The following LRMDA variants were observed in gnomAD, a reference collection of about 807,000 sequenced individuals.
LRMDA encodes leucine-rich melanocyte differentiation-associated protein.
Under a neutral mutation model 29.8 loss-of-function variants are expected in LRMDA, and 18 were observed. That is an observed-to-expected ratio of 0.60 (90% CI 0.42 to 0.90). LRMDA has a LOEUF of 0.90. Ranked by LOEUF, LRMDA falls within the 40% of genes least tolerant of loss-of-function variation. The pLI is 0.00. For missense variants in LRMDA, 273 were observed against 273.9 expected (o/e 1.00, Z 0.02); for synonymous variants, 125 against 109.4 (o/e 1.14, Z -0.89).
At chr10:75,465,856 G>A (rs893393214) in intron 2 of LRMDA, among the ~76,000 whole-genome samples, 5 of 152,224 alleles carry the variant, frequency 3.3e-5, no homozygotes, top group Non-Finnish European at 5.9e-5. Context: ...AAGTTTTAGC[G>A]TCCAATCTTG....
chr10:76,143,734 T>G (rs1234717214), intron 5 of LRMDA, among the ~76,000 whole-genome samples: 3 of 152,230 alleles, frequency 2.0e-5, no homozygotes, highest in Non-Finnish European at 4.4e-5. Flanking sequence ...TTGTTGCCAT[T>G]GCTTTTGGGG....
intron 5 of LRMDA, among the ~76,000 whole-genome samples, chr10:76,221,224 C>T (rs1363283740): frequency 6.6e-6 from 1 of 151,824 alleles, no homozygotes; most frequent in African/African-American, 2.4e-5. Flanking sequence ...GACAGGGATG[C>T]CCTCTCTCAC....
chr10:76,191,209 A>G (rs567733911), intron 5 of LRMDA, among the ~76,000 whole-genome samples: 1 of 152,192 alleles, frequency 6.6e-6, no homozygotes, highest in East Asian at 1.9e-4. Context: ...AATGGCGGTA[A>G]GATGGGGTGC....
chr10:76,339,843 A>G (rs1419200533), intron 6 of LRMDA, among the ~76,000 whole-genome samples: 3 of 152,228 alleles, frequency 2.0e-5, no homozygotes, highest in East Asian at 3.9e-4. Context: ...AGATGATAAA[A>G]GAAACTTTAA....
At chr10:76,507,564 T>C (rs945448886) in intron 6 of LRMDA, among the ~76,000 whole-genome samples, 1 of 152,150 alleles carries the variant, frequency 6.6e-6, no homozygotes. Flanking sequence ...TCAAAAAATA[T>C]TTGCTAAGAT....
At chr10:75,634,404 G>A (rs1227146939) in intron 2 of LRMDA, among the ~76,000 whole-genome samples, 2 of 152,180 alleles carry the variant, frequency 1.3e-5, no homozygotes, top group African/African-American at 2.4e-5. Context: ...GGTTTCACCT[G>A]CCTCCCCCCA....
chr10:76,431,564 C>A (rs1842191029), intron 6 of LRMDA, among the ~76,000 whole-genome samples: 1 of 152,180 alleles, frequency 6.6e-6, no homozygotes, highest in Admixed American at 6.5e-5. Flanking sequence ...TGCTCTAGGG[C>A]AGTTATAAAT....
chr10:75,515,694 T>C (rs1341132002), intron 2 of LRMDA, among the ~76,000 whole-genome samples: 1 of 152,098 alleles, frequency 6.6e-6, no homozygotes, highest in Non-Finnish European at 1.5e-5. Flanking sequence ...ATTTTATGTT[T>C]TTCTTTTTTC....
intron 2 of LRMDA, among the ~76,000 whole-genome samples, chr10:75,623,667 G>A (rs1410152840): frequency 6.6e-6 from 1 of 152,190 alleles, no homozygotes; most frequent in East Asian, 1.9e-4. Flanking sequence ...AACAGCACAA[G>A]GAGGAAAAAT....
intron 6 of LRMDA, among the ~76,000 whole-genome samples, chr10:76,466,696 A>G (rs1461755547): frequency 1.3e-5 from 2 of 152,128 alleles, no homozygotes; most frequent in African/African-American, 4.8e-5. Context: ...CTCACAAGGC[A>G]GAGGCAAGAG....
chr10:76,426,928 A>T (rs1454839000), intron 6 of LRMDA, among the ~76,000 whole-genome samples: 1 of 151,938 alleles, frequency 6.6e-6, no homozygotes, highest in Non-Finnish European at 1.5e-5. Flanking sequence ...GTGTGGTATT[A>T]TTTCTGAGGG....
At chr10:75,591,320 CTTT>C (rs757699185) in intron 2 of LRMDA, among the ~76,000 whole-genome samples, 1 of 152,142 alleles carries the variant, frequency 6.6e-6, no homozygotes, top group South Asian at 2.1e-4. Context: ...ATTCTTATTT[CTTT>C]GTTTTAGTAA....
intron 5 of LRMDA, among the ~76,000 whole-genome samples, chr10:76,251,912 C>A (rs1322564): frequency 0.069 from 10,566 of 152,164 alleles, 1,123 homozygotes; most frequent in African/African-American, 0.23. Context: ...TGATAGGGAC[C>A]TGGTTCCCCG....
chr10:75,878,986 C>T (rs185974731), intron 2 of LRMDA, among the ~76,000 whole-genome samples: 10 of 152,318 alleles, frequency 6.6e-5, no homozygotes, highest in East Asian at 1.9e-4. Context: ...CTCAGGCCAA[C>T]GGAGACGTTT....
At chr10:76,426,422 A>G (rs1183956447) in intron 6 of LRMDA, among the ~76,000 whole-genome samples, 2 of 152,140 alleles carry the variant, frequency 1.3e-5, no homozygotes, top group Non-Finnish European at 2.9e-5. Context: ...GTCTGTTCAT[A>G]TCCTTCACCC....
intron 2 of LRMDA, among the ~76,000 whole-genome samples, chr10:75,580,176 T>C (rs896828090): frequency 2.6e-5 from 4 of 152,206 alleles, no homozygotes; most frequent in Admixed American, 6.5e-5. Flanking sequence ...GAAAATCCCA[T>C]TGTCTCAGCC....
At chr10:76,206,758 C>T (rs1399959233) in intron 5 of LRMDA, among the ~76,000 whole-genome samples, 2 of 152,194 alleles carry the variant, frequency 1.3e-5, no homozygotes, top group African/African-American at 4.8e-5. Context: ...CCACTTTCCC[C>T]TCTCATGCCT....
At chr10:76,009,812 G>A (rs1002265188) in intron 2 of LRMDA, among the ~76,000 whole-genome samples, 5 of 151,936 alleles carry the variant, frequency 3.3e-5, no homozygotes, top group Non-Finnish European at 7.4e-5. Flanking sequence ...CCTGACAGAC[G>A]GCTGCCTCTT....
At chr10:75,564,456 A>G (rs1840343750) in intron 2 of LRMDA, among the ~76,000 whole-genome samples, 1 of 152,226 alleles carries the variant, frequency 6.6e-6, no homozygotes, top group Non-Finnish European at 1.5e-5. Context: ...TTTGACTAGG[A>G]AAGGGAACTC....
Sources: allele counts gnomAD v4.1 joint callset (sites outside exome capture counted in the v4.1 genomes callset), GRCh38; gene constraint gnomAD v4.1.1; transcripts MANE v1.5; gene names NCBI Gene and HGNC (gene_info 2026-07-23, HGNC 2026-07-21).